Variants in FRMPD4 observed in about 807,000 individuals in gnomAD.
FRMPD4 encodes FERM and PDZ domain containing 4.
In FRMPD4, 22 loss-of-function variants were observed where a neutral mutation model predicts 94.1. The ratio of observed to expected loss-of-function variants is 0.23; its 90% CI spans 0.17 to 0.33. The LOEUF (loss-of-function observed/expected upper bound fraction) is 0.33, where lower values mean the gene tolerates loss of function less well. Among genes scored for constraint, FRMPD4 ranks in the 10% least tolerant of loss-of-function variants. The pLI is 1.00. For synonymous variants in FRMPD4, 631 were observed against 548.6 expected (o/e 1.15, Z -2.10); for missense variants, 1,111 against 1,339.9 (o/e 0.83, Z 2.67).
chrX:12,375,136 C>T (rs1013127449), intron 1 of FRMPD4: 9 of 112,573 alleles, frequency 8.0e-5, no homozygotes, highest in Non-Finnish European at 1.7e-4. Context: ...ACAGGTGAAC[C>T]TAATGAATGG....
intron 3 of FRMPD4, among the ~76,000 whole-genome samples, chrX:12,111,301 C>G (rs1169281934): frequency 9.0e-6 from 1 of 111,408 alleles, no homozygotes; most frequent in Non-Finnish European, 1.9e-5. Context: ...ACAAACCTGA[C>G]AAAAACAGGA....
intron 2 of FRMPD4, among the ~76,000 whole-genome samples, chrX:12,601,626 C>T (rs746424800): frequency 1.8e-5 from 2 of 112,009 alleles, no homozygotes; most frequent in East Asian, 5.6e-4. Flanking sequence ...TGTGTGCGAT[C>T]GTATTATATT....
intron 2 of FRMPD4, among the ~76,000 whole-genome samples, chrX:12,555,651 G>C (rs2058588143): frequency 9.0e-6 from 1 of 111,322 alleles, no homozygotes; most frequent in South Asian, 3.8e-4. Context: ...TAACTAAATA[G>C]TCCCTCAGGT....
At chrX:12,010,413 T>TA (rs1268816571) in intron 3 of FRMPD4, among the ~76,000 whole-genome samples, 2 of 111,958 alleles carry the variant, frequency 1.8e-5, no homozygotes, top group Non-Finnish European at 3.8e-5. Context: ...TTATAAAGAT[T>TA]AAAAAAATAA....
intron 3 of FRMPD4, among the ~76,000 whole-genome samples, chrX:11,954,380 A>G (rs771087007): frequency 3.5e-4 from 39 of 112,494 alleles, no homozygotes; most frequent in African/African-American, 1.3e-3. Flanking sequence ...TGGTACGTAC[A>G]ATATGTCATG....
At chrX:12,384,378 C>T (rs919474402) in intron 1 of FRMPD4, among the ~76,000 whole-genome samples, 4 of 111,444 alleles carry the variant, frequency 3.6e-5, no homozygotes, top group Admixed American at 9.5e-5. Flanking sequence ...ATTAGCCAGG[C>T]GTGATAGCCT....
chrX:12,664,738 C>A (rs1210146757), intron 4 of FRMPD4, among the ~76,000 whole-genome samples: 1 of 111,729 alleles, frequency 9.0e-6, no homozygotes, highest in Non-Finnish European at 1.9e-5. Context: ...AGGGAGGAGT[C>A]TCTCTTTTTC....
chrX:12,235,096 G>T (rs978024444), intron 1 of FRMPD4, among the ~76,000 whole-genome samples: 1 of 111,811 alleles, frequency 8.9e-6, no homozygotes, highest in Non-Finnish European at 1.9e-5. Flanking sequence ...TAATGTGTTC[G>T]TATTGCCATC....
At chrX:12,501,548 T>C (rs2057921523) in intron 2 of FRMPD4, among the ~76,000 whole-genome samples, 1 of 110,888 alleles carries the variant, frequency 9.0e-6, no homozygotes, top group African/African-American at 3.3e-5. Flanking sequence ...TCTGTACTCA[T>C]TAGTTTTAGA....
intron 1 of FRMPD4, among the ~76,000 whole-genome samples, chrX:12,495,480 C>G (rs2057838556): frequency 9.0e-6 from 1 of 111,111 alleles, no homozygotes; most frequent in Admixed American, 9.6e-5. Context: ...TGGTTCTAAC[C>G]CAGTGTTTCT....
intron 1 of FRMPD4, among the ~76,000 whole-genome samples, chrX:12,381,154 A>G (rs2148021761): frequency 8.9e-6 from 1 of 112,410 alleles, no homozygotes; most frequent in Admixed American, 9.4e-5. Flanking sequence ...AGTGAAAGCA[A>G]TGAAAGACAT....
intron 1 of FRMPD4, among the ~76,000 whole-genome samples, chrX:12,310,142 G>A (rs2055008411): frequency 9.0e-6 from 1 of 110,540 alleles, no homozygotes; most frequent in African/African-American, 3.3e-5. Context: ...AGGGAGATAG[G>A]GGTGGAGCCG....
chrX:11,853,692 C>T (rs6640800), intron 1 of FRMPD4, among the ~76,000 whole-genome samples: 4,174 of 111,128 alleles, frequency 0.038, 120 homozygotes, highest in African/African-American at 0.096. Context: ...AAATTGAATC[C>T]CTGAACAGAC....
intron 3 of FRMPD4, among the ~76,000 whole-genome samples, chrX:12,005,648 TTA>T (rs1354382915): frequency 8.9e-6 from 1 of 112,353 alleles, no homozygotes; most frequent in Non-Finnish European, 1.9e-5. Context: ...AGCAAATGCA[TTA>T]TGTCATCTTT....
chrX:12,062,006 C>T (rs2147461498), intron 3 of FRMPD4, among the ~76,000 whole-genome samples: 1 of 111,874 alleles, frequency 8.9e-6, no homozygotes, highest in Non-Finnish European at 1.9e-5. Flanking sequence ...AGTCTCTATT[C>T]AGTCTTAGTA....
intron 1 of FRMPD4, among the ~76,000 whole-genome samples, chrX:12,256,921 A>G (rs926891286): frequency 8.9e-6 from 1 of 112,057 alleles, no homozygotes; most frequent in Non-Finnish European, 1.9e-5. Flanking sequence ...ACTACTGTTG[A>G]TAAAAATCAA....
At chrX:12,333,117 A>G (rs1285553220) in intron 1 of FRMPD4, among the ~76,000 whole-genome samples, 1 of 112,208 alleles carries the variant, frequency 8.9e-6, no homozygotes, top group Non-Finnish European at 1.9e-5. Context: ...TCATTTAAAG[A>G]TAAACATCTG....
chrX:12,293,037 C>T (rs1182845603), intron 1 of FRMPD4, among the ~76,000 whole-genome samples: 10 of 108,965 alleles, frequency 9.2e-5, no homozygotes, highest in African/African-American at 3.0e-4. Context: ...CATCACCTAT[C>T]AGGTTGTTAA....
At chrX:12,397,203 G>T (rs774309775) in intron 1 of FRMPD4, among the ~76,000 whole-genome samples, 3 of 110,511 alleles carry the variant, frequency 2.7e-5, no homozygotes, top group Non-Finnish European at 3.8e-5. Context: ...TGCATAACAG[G>T]CCTCTAAACC....
Sources: allele counts gnomAD v4.1 joint callset (sites outside exome capture counted in the v4.1 genomes callset), GRCh38; gene constraint gnomAD v4.1.1; transcripts MANE v1.5; gene names NCBI Gene and HGNC (gene_info 2026-07-23, HGNC 2026-07-21).